TMC5: variants seen among roughly 807,000 people sequenced by gnomAD.
TMC5 encodes the protein transmembrane channel-like protein 5.
TMC5 carries 86 observed loss-of-function variants against 110.5 expected under a neutral mutation model. The ratio of observed to expected loss-of-function variants is 0.78; its 90% CI spans 0.65 to 0.93. The LOEUF (loss-of-function observed/expected upper bound fraction) is 0.93. Ranked by LOEUF, TMC5 falls within the 40% of genes least tolerant of loss-of-function variation. The probability of loss-of-function intolerance (pLI) is 0.00; values close to 1 mark genes in which losing one functional copy is unlikely to be tolerated. For synonymous variants in TMC5, 455 were observed against 439.5 expected (o/e 1.04, Z -0.44); for missense variants, 1,144 against 1,222.8 (o/e 0.94, Z 0.96).
intron 5 of TMC5, chr16:19,456,655 A>T: frequency 1.9e-6 from 3 of 1,566,230 alleles, no homozygotes; most frequent in Non-Finnish European, 2.6e-6. Flanking sequence ...CTGCTGTATG[A>T]AGTCTCAGGA....
In TMC5 at chr16:19,440,138, G is replaced by T; in HGVS notation, c.100G>T (p.Gly34Cys). 1.2e-6 allele frequency: 2 copies of T among 1,614,048 alleles called. No homozygotes were observed. The highest frequency in any genetic ancestry group is 1.7e-6 in the Non-Finnish European group (2 of 1,180,018). Residue 34 changes from glycine to cysteine, a missense_variant, in exon 3 of 22, where the codon GGT (glycine) becomes TGT (cysteine). Physicochemically the swap from Gly to Cys is radical, Grantham distance 159 (BLOSUM62 -3). Coordinates refer to ENST00000542583, the MANE Select transcript of TMC5 (RefSeq NM_001261841.2). The part of the protein sequence containing the change: ...NRTQGYLKTQ[G>C]YPDVPGPLNN... ...TACGCAGGGGTATTTGAAAACTCAA[G>T]GTTATCCAGATGTTCCAGGTCCTCT...
At chr16:19,457,048 A>T in intron 5 of TMC5, 4 of 1,561,682 alleles carry the variant, frequency 2.6e-6, no homozygotes, top group Non-Finnish European at 3.5e-6. Context: ...GAAGTAGGGG[A>T]GTAGGAAAAA....
rs1966857195 is a variant in TMC5 at position 19,412,166 on chromosome 16, G to T, written c.-308+990G>T. On this transcript the variant is annotated intron_variant, in intron 1 of 20. Transcript: ENST00000381414. ...AGCTTATGCAGCTTCAACCTCCCAG[G>T]CTCAGGCGATCCTCCTGCCTCAGCC... Among the ~76,000 whole-genome samples the T allele has an allele frequency of 2.6e-5, 4 of 151,852 alleles. No homozygotes were observed. In the South Asian group the frequency reaches 6.2e-4, roughly 24 times the overall value.
At chr16:19,446,172 G>T (rs1442896308) in intron 4 of TMC5, among the ~76,000 whole-genome samples, 1 of 152,104 alleles carries the variant, frequency 6.6e-6, no homozygotes, top group Non-Finnish European at 1.5e-5. Context: ...TCCTTTGGGA[G>T]CACAGACATC....
intron 15 of TMC5, among the ~76,000 whole-genome samples, chr16:19,483,296 C>T (rs28611132): frequency 0.096 from 14,565 of 152,154 alleles, 1,671 homozygotes; most frequent in African/African-American, 0.28. Context: ...CTTATTTTAA[C>T]ATGATGCAGT....
At chr16:19,468,577 G>C (rs1375956308) in intron 9 of TMC5, among the ~76,000 whole-genome samples, 3 of 152,094 alleles carry the variant, frequency 2.0e-5, no homozygotes, top group Admixed American at 6.6e-5. Context: ...ATTTTTAAAT[G>C]GGGAGATTAT....
rs922349540 is a variant in TMC5, at chr16:19,433,748, C to T, written c.-80+3108C>T. 2.0e-5 allele frequency among the ~76,000 whole-genome samples: 3 copies of T among 151,792 alleles called. No individual in the cohort carries two copies. The South Asian group carries it at 6.2e-4, about 31-fold the overall frequency. On this transcript the variant is annotated intron_variant, in intron 2 of 21. Coordinates refer to ENST00000542583, the MANE Select transcript of TMC5 (RefSeq NM_001261841.2). ...CAGGGCAAAATTTAGTTCTCAGTTA[C>T]AGTCACTATGTTGGCCTGGGAATTT...
At chr16:19,436,955 T>C (rs1967363608) in intron 2 of TMC5, among the ~76,000 whole-genome samples, 1 of 152,072 alleles carries the variant, frequency 6.6e-6, no homozygotes, top group Non-Finnish European at 1.5e-5. Flanking sequence ...GAGATCAGAT[T>C]GCTTGAGCTC....
rs1168510965 is a variant in TMC5, at chr16:19,434,308, TTA to T, written c.-80+3677_-80+3678del. 4.4e-4 allele frequency among the ~76,000 whole-genome samples: 47 copies of T among 105,840 alleles called. 1 individual carries two copies. Among genetic ancestry groups the T allele is most frequent in the African/African-American group, 7.2e-4 (22 of 30,736 alleles). 69.4% of individuals were successfully genotyped at this position (105,840 alleles called of 152,430 possible). A position where few individuals can be genotyped will look rare whatever the true frequency, so the allele number is the denominator to read the frequency against. On this transcript the variant is annotated intron_variant, in intron 2 of 21. Coordinates refer to ENST00000542583, the MANE Select transcript of TMC5 (RefSeq NM_001261841.2). ...TATAATATATATTATATGATCTATA[TTA>T]TATATATAATATAGATCTATATATA...
At chr16:19,419,516 C>T (rs1966936025) in intron 1 of TMC5, among the ~76,000 whole-genome samples, 1 of 149,376 alleles carries the variant, frequency 6.7e-6, no homozygotes, top group East Asian at 2.0e-4. Flanking sequence ...AGGTTCACGC[C>T]ATTCTCCTGC....
intron 20 of TMC5, among the ~76,000 whole-genome samples, chr16:19,495,832 C>T (rs955186466): frequency 2.0e-5 from 3 of 151,788 alleles, no homozygotes; most frequent in Non-Finnish European, 4.4e-5. Context: ...GAACAAGACC[C>T]TCTCTCTAAA....
intron 19 of TMC5, among the ~76,000 whole-genome samples, chr16:19,492,928 A>ATC (rs960385052): frequency 1.7e-5 from 2 of 114,416 alleles, no homozygotes; most frequent in Admixed American, 8.6e-5. Context: ...ATATATATAT[A>ATC]TATATCTCTC....
At position 19,440,540 on chromosome 16, in the gene TMC5, A is replaced by G; in HGVS notation, c.502A>G (p.Ser168Gly). 6.2e-7 allele frequency: 1 copy of G among 1,614,198 alleles called. No homozygotes were observed. Among genetic ancestry groups the G allele is most frequent in the Non-Finnish European group, 8.5e-7 (1 of 1,180,042 alleles). ...SLEPDYPGAQ[S>G]NSDHPGPRAN... ...AGAACCGGACTACCCTGGAGCTCAG[A>G]GCAACTCTGATCATCCTGGACCCAG... Residue 168 changes from serine to glycine, a missense_variant, in exon 3 of 22, where the codon AGC (serine) becomes GGC (glycine). Ser to Gly is a moderately conservative substitution (Grantham distance 56). Transcript: ENST00000542583.
At chr16:19,462,858 AC>A (rs1461921378) in intron 6 of TMC5, among the ~76,000 whole-genome samples, 2 of 151,278 alleles carry the variant, frequency 1.3e-5, no homozygotes, top group Non-Finnish European at 2.9e-5. Flanking sequence ...CCATCAGGCC[AC>A]TGCACTCCAG....
intron 2 of TMC5, 36 bp from the exon 3 acceptor site, chr16:19,439,924 A>G (rs748159397): frequency 5.7e-5 from 54 of 949,520 alleles, no homozygotes; most frequent in Non-Finnish European, 8.6e-5. Context: ...AGAAAGGGAA[A>G]AAAATCTGAC....
chr16:19,459,231 C>T (rs2143559108), intron 5 of TMC5, among the ~76,000 whole-genome samples: 1 of 152,252 alleles, frequency 6.6e-6, no homozygotes, highest in African/African-American at 2.4e-5. Flanking sequence ...ATAGGCTCCA[C>T]CTCAAGGAAG....
chr16:19,455,607 G>A (rs530296053), intron 5 of TMC5, among the ~76,000 whole-genome samples: 21 of 152,204 alleles, frequency 1.4e-4, no homozygotes, highest in African/African-American at 5.1e-4. Flanking sequence ...ATGTCTGGAG[G>A]AAGACTGGTG....
intron 9 of TMC5, among the ~76,000 whole-genome samples, chr16:19,469,360 A>AG (rs1366509258): frequency 6.6e-6 from 1 of 152,124 alleles, no homozygotes; most frequent in East Asian, 1.9e-4. Flanking sequence ...GTCTAAAAAA[A>AG]AAAAAAAAAA....
rs919100509 is a variant in TMC5 at position 19,486,877 on chromosome 16, C to G, written c.2364-68C>G. The G allele has an allele frequency of 5.0e-6, 7 of 1,396,080 alleles. No individual in the cohort carries two copies. The East Asian group carries it at 1.6e-4, about 32-fold the overall frequency. 86.5% of individuals were successfully genotyped at this position (1,396,080 alleles called of 1,614,324 possible). ...ATATCTTCTTTCTCTTCCCCCCAACCATCCCAGATTCACCCCGACTCCTTG... is the reference window on the plus strand; with the variant it reads ...ATATCTTCTTTCTCTTCCCCCCAACGATCCCAGATTCACCCCGACTCCTTG... On this transcript the variant is annotated intron_variant, in intron 15 of 21. Transcript: ENST00000542583.
Sources: gnomAD v4.1 joint callset for allele counts (sites outside exome capture counted in the v4.1 genomes callset) on GRCh38, gnomAD v4.1.1 for gene constraint, MANE v1.5 for transcripts, NCBI Gene and HGNC (gene_info 2026-07-23, HGNC 2026-07-21) for gene names.